Variants in FBRS observed in about 807,000 individuals in gnomAD.
FBRS encodes probable fibrosin-1.
FBRS carries 15 observed loss-of-function variants against 86.1 expected under a neutral mutation model. The ratio of observed to expected loss-of-function variants is 0.17; its 90% CI spans 0.12 to 0.27. The LOEUF (loss-of-function observed/expected upper bound fraction) is 0.27, where lower values mean the gene tolerates loss of function less well. FBRS is among the 10% of genes least tolerant of loss of function. The pLI is 1.00. For synonymous variants in FBRS, 666 were observed against 575.8 expected, an observed-to-expected ratio of 1.16 and a Z score of -2.24; for missense variants, 1,367 against 1,301.6, an observed-to-expected ratio of 1.05 and a Z score of -0.77.
In FBRS at chr16:30,664,724, T is replaced by C; in HGVS notation, c.1367T>C (p.Leu456Pro). ...SAANALSEQD[L>P]IGQDLNSRYL... ...CCGTCCCCTCCCACAGAGCAGGACC[T>C]GATCGGCCAGGACCTGAACTCTCGC... is the stretch of plus-strand genomic sequence containing the variant. Residue 456 changes from leucine to proline, a missense_variant, in exon 8 of 18, where the codon CTG (leucine) becomes CCG (proline). Physicochemically the swap from Leu to Pro is moderately conservative, Grantham distance 98 (BLOSUM62 -3). Transcript: ENST00000356166. 2 of 1,538,666 alleles carry C rather than the reference T, an allele frequency of 1.3e-6. No individual in the cohort carries two copies. The highest frequency in any genetic ancestry group is 1.8e-6 in the Non-Finnish European group (2 of 1,139,478).
At chr16:30,662,288 T>C in intron 4 of FBRS, 132 bp from the exon 5 acceptor site, 2 of 1,372,478 alleles carry the variant, frequency 1.5e-6, no homozygotes, top group Non-Finnish European at 2.0e-6. Context: ...CTTTGATGGA[T>C]CTCAGCTAAA....
At position 30,659,492 on chromosome 16, in the gene FBRS, C is replaced by A; in HGVS notation, c.-27C>A. 1 of 288,004 alleles carries A rather than the reference C, an allele frequency of 3.5e-6. No homozygotes were observed. Among genetic ancestry groups the A allele is most frequent in the South Asian group, 1.5e-4 (1 of 6,556 alleles). The allele number at this position is 288,004 out of a possible 1,614,324, so 17.8% of individuals were successfully genotyped here. ...CAGGCCGCTTCGGGCCCCGCCGCCT[C>A]CGGATGCGGCGCTGAGGGCGGTCGC... On this transcript the variant is annotated 5_prime_UTR_variant, in exon 1 of 18. Coordinates refer to ENST00000356166, the MANE Select transcript of FBRS (RefSeq NM_001105079.3).
chr16:30,665,660 C>A lies in FBRS; in HGVS notation c.1727C>A (p.Pro576Gln). The change falls in exon 11 of 18, where the codon CCA becomes CAA. Residue 576 changes from proline to glutamine, a missense_variant. Physicochemically the swap from Pro to Gln is moderately conservative, Grantham distance 76. Around this residue, in one of 3 missense-constraint regions of FBRS, gnomAD observed 659 missense variants for 678.8 expected, o/e 0.97. Coordinates refer to ENST00000356166, the MANE Select transcript of FBRS (RefSeq NM_001105079.3). The surrounding 1 kb of genome is among the most constrained non-coding windows in gnomAD (Gnocchi z 4.1). Reference sequence around the variant, plus strand: ...CAGAGCACGAACCCTGAGCTGCCACCACGACTGGGGCCGGTGCCGAGCGGG... The same window carrying A: ...CAGAGCACGAACCCTGAGCTGCCACAACGACTGGGGCCGGTGCCGAGCGGG... ...QPKSTNPELP[P>Q]RLGPVPSGLS... 6.3e-7 allele frequency: 1 copy of A among 1,591,812 alleles called. No homozygotes were observed. The highest frequency in any genetic ancestry group is 1.8e-5 in the Admixed American group (1 of 56,420).
At chr16:30,661,241 C>G in intron 3 of FBRS, 26 bp downstream of exon 3, 1 of 1,550,834 alleles carries the variant, frequency 6.4e-7, no homozygotes, top group Non-Finnish European at 8.7e-7. Flanking sequence ...CTGTCCTGGC[C>G]CCTCCCTGCT....
At chr16:30,661,375 T>C in intron 4 of FBRS, 42 bp downstream of exon 4, 1 of 1,550,556 alleles carries the variant, frequency 6.4e-7, no homozygotes, top group Non-Finnish European at 8.7e-7. Context: ...TCACTGCTTG[T>C]AAAAGGGACT....
In FBRS at chr16:30,662,709, C is replaced by T. The variant is rs1451391589; in HGVS notation, c.905C>T (p.Pro302Leu). Residue 302 changes from proline to leucine, a missense_variant, in exon 6 of 18, where the codon CCG becomes CTG. Pro to Leu is a moderately conservative substitution (Grantham distance 98). Around this residue, in one of 3 missense-constraint regions of FBRS, gnomAD observed 702 missense variants for 598.7 expected, o/e 1.17. Coordinates refer to ENST00000356166, the MANE Select transcript of FBRS (RefSeq NM_001105079.3). ...PFPPKEPPPP[P>L]VPRPPVSPPA... ...CCCCCAAAGGAACCACCGCCTCCAC[C>T]GGTCCCTCGGCCTCCTGTCTCACCC... 41 of 1,548,460 alleles carry T rather than the reference C, an allele frequency of 2.6e-5. No homozygotes were observed. The highest frequency in any genetic ancestry group is 5.9e-5 in the Admixed American group (3 of 50,810).
In FBRS at chr16:30,659,291, C is replaced by G. The variant is rs966547492; in HGVS notation, c.-228C>G. On this transcript the variant is annotated 5_prime_UTR_variant, in exon 1 of 18. Coordinates refer to ENST00000356166, the MANE Select transcript of FBRS (RefSeq NM_001105079.3). Reference sequence around the variant, plus strand: ...CCGCCCCGTTTTCGCCGTCGCGGCCCCGCCGAGCCCGCAGGGGGGGCCCTC... The same window carrying G: ...CCGCCCCGTTTTCGCCGTCGCGGCCGCGCCGAGCCCGCAGGGGGGGCCCTC... 2.2e-5 allele frequency: 4 copies of G among 179,976 alleles called. No individual in the cohort carries two copies. Among genetic ancestry groups the G allele is most frequent in the Non-Finnish European group, 3.5e-5 (3 of 86,894 alleles). The allele number at this position is 179,976 out of a possible 1,614,324, so 11.1% of individuals were successfully genotyped here. A position where few individuals can be genotyped will look rare whatever the true frequency, so the allele number is the denominator to read the frequency against.
intron 2 of FBRS, chr16:30,660,646 T>C: frequency 2.4e-6 from 2 of 832,828 alleles, no homozygotes; most frequent in Non-Finnish European, 3.3e-6. Flanking sequence ...TGGTTCTGTG[T>C]CTACTTCAAA....
chr16:30,661,097 C>A, intron 2 of FBRS, 83 bp from the exon 3 acceptor site: 1 of 1,545,962 alleles, frequency 6.5e-7, no homozygotes, highest in Non-Finnish European at 8.7e-7. Flanking sequence ...CCTGGAGGCC[C>A]ATGAGCGCCC....
In FBRS at chr16:30,665,131, C is replaced by T. The variant is rs946725336; in HGVS notation, c.1608+52C>T. ...GGGGTGTGTGGTGTGGGCGTGGATGCATCCATGCTTGTGACCCTGACTGCT... is the reference window on the plus strand; with the variant it reads ...GGGGTGTGTGGTGTGGGCGTGGATGTATCCATGCTTGTGACCCTGACTGCT... On this transcript the variant is annotated intron_variant, in intron 9 of 17. Transcript: ENST00000356166. The surrounding 1 kb of genome is among the most constrained non-coding windows in gnomAD (Gnocchi z 4.1). The T allele has an allele frequency of 1.9e-6, 3 of 1,590,888 alleles. No homozygotes were observed. Among genetic ancestry groups the T allele is most frequent in the Middle Eastern group, 1.7e-4 (1 of 5,988 alleles).
In FBRS at chr16:30,665,510, C is replaced by A; in HGVS notation, c.1704+109C>A. ...CCCAAAGTCGTGCCCATCCTCCTGC[C>A]CTGCCCTGCTGCACCCAGTTTTCTC... On this transcript the variant is annotated intron_variant, in intron 10 of 17. Coordinates refer to ENST00000356166, the MANE Select transcript of FBRS (RefSeq NM_001105079.3). This position sits in a 1 kb window ranked among gnomAD's most constrained non-coding sequence, Gnocchi z 4.1. 1 of 1,416,404 alleles carries A rather than the reference C, an allele frequency of 7.1e-7. No homozygotes were observed. Among genetic ancestry groups the A allele is most frequent in the Non-Finnish European group, 9.8e-7 (1 of 1,024,232 alleles). The allele number at this position is 1,416,404 out of a possible 1,614,324, so 87.7% of individuals were successfully genotyped here.
chr16:30,666,592 C>T, intron 12 of FBRS, 51 bp downstream of exon 12: 1 of 1,613,438 alleles, frequency 6.2e-7, no homozygotes, highest in Non-Finnish European at 8.5e-7. Flanking sequence ...CTGGTGTTAG[C>T]ATGTTTGGCT....
intron 4 of FBRS, 119 bp from the exon 5 acceptor site, chr16:30,662,301 G>A (rs2052471290): frequency 7.6e-6 from 11 of 1,452,584 alleles, no homozygotes; most frequent in Non-Finnish European, 9.3e-6. Flanking sequence ...CAGCTAAACT[G>A]AAGGAACAGA....
Position 30,660,329 on chromosome 16 carries a change from AGGG to A in FBRS, c.531_533del (p.Gly178del). 2 of 1,301,186 alleles carry A rather than the reference AGGG, an allele frequency of 1.5e-6. No individual in the cohort carries two copies. The highest frequency in any genetic ancestry group is 1.5e-5 in the African/African-American group (1 of 64,896). 80.6% of individuals were successfully genotyped at this position (1,301,186 alleles called of 1,614,324 possible). A position where few individuals can be genotyped will look rare whatever the true frequency, so the allele number is the denominator to read the frequency against. Reference sequence around the variant, plus strand: ...GCTGAAGCATTCTGGGAAGCGGAAAAGGGGGGGCTCCAGTGGGGCCACCGGGGA... The same window carrying A: ...GCTGAAGCATTCTGGGAAGCGGAAAAGGGGCTCCAGTGGGGCCACCGGGGA... On this transcript the variant is annotated inframe_deletion, in exon 2 of 18. Coordinates refer to ENST00000356166, the MANE Select transcript of FBRS (RefSeq NM_001105079.3).
At chr16:30,660,152 C>G in intron 1 of FBRS, 111 bp from the exon 2 acceptor site, 1 of 1,413,642 alleles carries the variant, frequency 7.1e-7, no homozygotes, top group Non-Finnish European at 9.3e-7. Context: ...GAGCTCGTCT[C>G]TGGGGACCCG....
Position 30,664,228 on chromosome 16 carries a change from C to T in FBRS, c.1069C>T (p.Pro357Ser), listed in dbSNP as rs761553314. Residue 357 changes from proline (P) to serine (S), a missense_variant, in exon 7 of 18, where the codon CCC becomes TCC. Physicochemically the swap from Pro to Ser is moderately conservative, Grantham distance 74. Coordinates refer to ENST00000356166, the MANE Select transcript of FBRS (RefSeq NM_001105079.3). ...TTCTCTCCCCAGCTCTTCACGGCCG[C>T]CCCCCAAGGCCCCGGCCCCTCCCGT... Reference protein sequence around the residue: ...DLSTGSSSRPPPKAPAPPVAQ... With the variant: ...DLSTGSSSRPSPKAPAPPVAQ... 5 of 1,425,452 alleles carry T rather than the reference C, an allele frequency of 3.5e-6. No individual in the cohort carries two copies. In the South Asian group the frequency reaches 6.0e-5, roughly 17 times the overall value. 88.3% of individuals were successfully genotyped at this position (1,425,452 alleles called of 1,614,324 possible). A position where few individuals can be genotyped will look rare whatever the true frequency, so the allele number is the denominator to read the frequency against.
chr16:30,664,318 G>T lies in FBRS; in HGVS notation c.1159G>T (p.Ala387Ser), dbSNP rs534383311. Residue 387 changes from alanine to serine, a missense_variant, in exon 7 of 18, where the codon GCG becomes TCG. Transcript: ENST00000356166. ...CTCCTCATCTGCCTCCTCCTCGTCC[G>T]CGCAGCTCACCCACCGGCCCCCGAC... The part of the protein sequence containing the change: ...SSSSSASSSS[A>S]QLTHRPPTPS... 1.3e-5 allele frequency: 20 copies of T among 1,516,328 alleles called. No individual in the cohort carries two copies. In the Admixed American group the frequency reaches 1.6e-4, roughly 12 times the overall value. 93.9% of individuals were successfully genotyped at this position (1,516,328 alleles called of 1,614,324 possible).
intron 11 of FBRS, chr16:30,666,103 C>T (rs973548825): frequency 2.0e-5 from 8 of 390,964 alleles, no homozygotes; most frequent in Admixed American, 1.3e-4. Context: ...CCCAGGGCTG[C>T]GGGAACGTTG....
chr16:30,660,008 GGGT>G, intron 1 of FBRS, 31 bp downstream of exon 1: 1 of 1,542,262 alleles, frequency 6.5e-7, no homozygotes, highest in Middle Eastern at 1.8e-4. Context: ...GAGACTTTGG[GGGT>G]TTCCGAGGGG....
Sources: allele counts gnomAD v4.1 joint callset, GRCh38; gene constraint gnomAD v4.1.1; regional missense constraint gnomAD v4.1.1; non-coding constraint Gnocchi (gnomAD v3.1); transcripts MANE v1.5; gene names NCBI Gene and HGNC (gene_info 2026-07-23, HGNC 2026-07-21).